The following CDKAL1 variants were observed in gnomAD, a reference collection of about 807,000 sequenced individuals.
CDKAL1 encodes CDKAL1 threonylcarbamoyladenosine tRNA methylthiotransferase.
A neutral mutation model predicts 68.2 loss-of-function variants in CDKAL1; 32 were observed. The observed-to-expected ratio is 0.47, with a 90% CI of 0.35 to 0.63. CDKAL1 has a LOEUF of 0.63. Ranked by LOEUF, CDKAL1 falls within the 30% of genes least tolerant of loss-of-function variation. The probability of loss-of-function intolerance (pLI) is 0.00; values close to 1 mark genes in which losing one functional copy is unlikely to be tolerated. For synonymous variants in CDKAL1, 234 were observed against 244.3 expected (o/e 0.96, Z 0.39); for missense variants, 606 against 696.7 (o/e 0.87, Z 1.47).
intron 13 of CDKAL1, among the ~76,000 whole-genome samples, chr6:21,141,044 C>A (rs1464055081): frequency 6.6e-6 from 1 of 152,184 alleles, no homozygotes; most frequent in Non-Finnish European, 1.5e-5. Context: ...TCACCTCCCC[C>A]TGGGTCCCTC....
intron 5 of CDKAL1, among the ~76,000 whole-genome samples, chr6:20,705,871 A>G (rs7739516): frequency 1.3e-5 from 2 of 152,204 alleles, no homozygotes; most frequent in Non-Finnish European, 2.9e-5. Flanking sequence ...TCTGTTTGCT[A>G]CCTGTGTCAC....
At chr6:20,812,835 A>AT (rs540648168) in intron 8 of CDKAL1, among the ~76,000 whole-genome samples, 124 of 152,188 alleles carry the variant, frequency 8.1e-4, no homozygotes, top group African/African-American at 2.7e-3. Flanking sequence ...TACAAATACA[A>AT]TTTTTTTAAC....
At chr6:21,053,074 A>G (rs1452276924) in intron 11 of CDKAL1, among the ~76,000 whole-genome samples, 1 of 152,200 alleles carries the variant, frequency 6.6e-6, no homozygotes, top group Non-Finnish European at 1.5e-5. Context: ...TATCATCACA[A>G]TTCAGTTTTA....
chr6:20,577,276 C>T (rs1764953765), intron 4 of CDKAL1, among the ~76,000 whole-genome samples: 1 of 152,202 alleles, frequency 6.6e-6, no homozygotes, highest in Admixed American at 6.5e-5. Flanking sequence ...TTATATATCA[C>T]CTACTCAGAT....
At chr6:21,166,587 G>A (rs1213415889) in intron 13 of CDKAL1, among the ~76,000 whole-genome samples, 2 of 152,118 alleles carry the variant, frequency 1.3e-5, no homozygotes, top group African/African-American at 4.8e-5. Flanking sequence ...TGACATGCTA[G>A]CCATCAACCA....
intron 9 of CDKAL1, among the ~76,000 whole-genome samples, chr6:20,893,979 G>A (rs1485767597): frequency 6.6e-6 from 1 of 152,072 alleles, no homozygotes; most frequent in East Asian, 1.9e-4. Flanking sequence ...GCATTCAAAT[G>A]GTGTGATTAT....
At chr6:20,843,341 A>C (rs1778250454) in intron 8 of CDKAL1, among the ~76,000 whole-genome samples, 1 of 151,966 alleles carries the variant, frequency 6.6e-6, no homozygotes, top group Non-Finnish European at 1.5e-5. Flanking sequence ...TCCCCCTGCT[A>C]GTGTTCCTTA....
intron 4 of CDKAL1, among the ~76,000 whole-genome samples, chr6:20,617,004 C>G (rs1245654356): frequency 6.7e-6 from 1 of 149,010 alleles, no homozygotes; most frequent in Non-Finnish European, 1.5e-5. Flanking sequence ...TGCACCACTG[C>G]ACTCCAGGCT....
intron 8 of CDKAL1, among the ~76,000 whole-genome samples, chr6:20,810,005 G>C (rs1776728062): frequency 6.6e-6 from 1 of 152,076 alleles, no homozygotes; most frequent in South Asian, 2.1e-4. Context: ...TTTCTAAGGA[G>C]GCTGAATCAC....
chr6:20,748,147 TGAAAAG>T (rs1773741782), intron 6 of CDKAL1, among the ~76,000 whole-genome samples: 1 of 152,098 alleles, frequency 6.6e-6, no homozygotes, highest in Non-Finnish European at 1.5e-5. Context: ...AAAACAGTCT[TGAAAAG>T]GAAAAAGTTG....
chr6:20,986,652 A>T (rs867094295), intron 10 of CDKAL1, among the ~76,000 whole-genome samples: 188 of 3,746 alleles, frequency 0.05, no homozygotes, highest in Non-Finnish European at 0.21. Context: ...ATATTTAATA[A>T]AAAAAAAAAA....
At chr6:20,787,225 T>A (rs1211454341) in intron 8 of CDKAL1, among the ~76,000 whole-genome samples, 1 of 152,206 alleles carries the variant, frequency 6.6e-6, no homozygotes, top group Non-Finnish European at 1.5e-5. Context: ...GAATATAATT[T>A]TCTTTGAGCT....
intron 4 of CDKAL1, among the ~76,000 whole-genome samples, chr6:20,632,618 C>T (rs1767723060): frequency 6.6e-6 from 1 of 152,180 alleles, no homozygotes; most frequent in Non-Finnish European, 1.5e-5. Flanking sequence ...GTCTGTTTTT[C>T]TCCTACCTCG....
intron 9 of CDKAL1, among the ~76,000 whole-genome samples, chr6:20,896,119 T>TA (rs757829127): frequency 7.3e-6 from 1 of 136,440 alleles, no homozygotes; most frequent in African/African-American, 2.6e-5. Flanking sequence ...TTTTTTTTTT[T>TA]GAGATGGAGT....
At chr6:20,751,471 C>A (rs959165532) in intron 6 of CDKAL1, among the ~76,000 whole-genome samples, 2 of 152,188 alleles carry the variant, frequency 1.3e-5, no homozygotes, top group Non-Finnish European at 2.9e-5. Flanking sequence ...TAGTGACTAT[C>A]ATAGTGGATG....
chr6:20,902,556 A>AG (rs1391352850), intron 9 of CDKAL1, among the ~76,000 whole-genome samples: 1 of 152,180 alleles, frequency 6.6e-6, no homozygotes, highest in Non-Finnish European at 1.5e-5. Flanking sequence ...GAGATATCAA[A>AG]GGGGAATTCC....
intron 5 of CDKAL1, among the ~76,000 whole-genome samples, chr6:20,682,023 A>G (rs1770400317): frequency 6.6e-6 from 1 of 152,210 alleles, no homozygotes; most frequent in South Asian, 2.1e-4. Flanking sequence ...CAAGGCAGCT[A>G]GCTTTATGGG....
At chr6:20,979,514 G>T (rs542036475) in intron 10 of CDKAL1, among the ~76,000 whole-genome samples, 133 of 152,182 alleles carry the variant, frequency 8.7e-4, no homozygotes, top group Non-Finnish European at 1.6e-3. Context: ...AAAAAGCCAG[G>T]AGCATGTTCT....
chr6:21,035,070 G>A (rs1255735934), intron 11 of CDKAL1, among the ~76,000 whole-genome samples: 2 of 152,104 alleles, frequency 1.3e-5, no homozygotes, highest in South Asian at 4.1e-4. Flanking sequence ...ACCATATTAA[G>A]AACTCTTGCT....
Sources: gnomAD v4.1 joint callset for allele counts (sites outside exome capture counted in the v4.1 genomes callset) on GRCh38, gnomAD v4.1.1 for gene constraint, MANE v1.5 for transcripts, NCBI Gene and HGNC (gene_info 2026-07-23, HGNC 2026-07-21) for gene names.